Variants in MEP1A observed in about 807,000 individuals in gnomAD.
The protein encoded by MEP1A is N-benzoyl-L-tyrosyl-P-amino-benzoic acid hydrolase subunit alpha.
MEP1A carries 68 observed loss-of-function variants against 84.5 expected under a neutral mutation model. The ratio of observed to expected loss-of-function variants is 0.80; its 90% CI spans 0.66 to 0.98. The LOEUF is 0.98. MEP1A is among the 50% of genes least tolerant of loss of function. The pLI, the probability that MEP1A is intolerant of heterozygous loss-of-function variation, is 0.00. For missense variants in MEP1A, 887 were observed against 919.9 expected, an observed-to-expected ratio of 0.96 and a Z score of 0.46; for synonymous variants, 337 against 336.8, an observed-to-expected ratio of 1.00 and a Z score of -0.01.
intron 5 of MEP1A, among the ~76,000 whole-genome samples, chr6:46,807,773 A>AAGAAAGAG (rs1767383693): frequency 2.5e-5 from 1 of 39,526 alleles, no homozygotes; most frequent in Non-Finnish European, 5.6e-5. Flanking sequence ...GGAGAAAGGA[A>AAGAAAGAG]AGAAAGAAAG....
intron 3 of MEP1A, among the ~76,000 whole-genome samples, chr6:46,795,367 C>T (rs1767027855): frequency 2.0e-5 from 3 of 152,140 alleles, no homozygotes; most frequent in African/African-American, 4.8e-5. Flanking sequence ...GTGGTGCCAT[C>T]TCGGCTCACT....
chr6:46,819,906 T>G (rs180809439), intron 7 of MEP1A, among the ~76,000 whole-genome samples: 1 of 152,330 alleles, frequency 6.6e-6, no homozygotes, highest in African/African-American at 2.4e-5. Flanking sequence ...CAAGGAATGG[T>G]GTTAACTCAC....
intron 7 of MEP1A, among the ~76,000 whole-genome samples, chr6:46,822,066 T>C (rs1345796934): frequency 6.6e-6 from 1 of 152,222 alleles, no homozygotes; most frequent in African/African-American, 2.4e-5. Flanking sequence ...ATTGTGTTTT[T>C]GAAATTTCTT....
Position 46,839,127 on chromosome 6 carries a change from A to G in MEP1A, c.2232A>G (p.Pro744=). The G allele has an allele frequency of 6.2e-7, 1 of 1,612,304 alleles. No individual in the cohort carries two copies. Among genetic ancestry groups the G allele is most frequent in the South Asian group, 1.1e-5 (1 of 90,944 alleles). ...FSIIAILSQR[P]RK ...TCATCGCCATCCTTTCCCAAAGGCC[A>G]AGGAAGTGACCTGCCTGCTGGCATT... Residue 744 remains proline (P), a synonymous_variant, in exon 14 of 14, where the codon CCA becomes CCG. Coordinates refer to ENST00000230588, the MANE Select transcript of MEP1A (RefSeq NM_005588.3).
intron 6 of MEP1A, among the ~76,000 whole-genome samples, chr6:46,816,436 C>T (rs1031178537): frequency 6.6e-6 from 1 of 151,906 alleles, no homozygotes; most frequent in East Asian, 1.9e-4. Flanking sequence ...TCCTGGGTTG[C>T]AGCAGGGCAA....
intron 5 of MEP1A, among the ~76,000 whole-genome samples, chr6:46,803,943 A>G (rs903987583): frequency 4.0e-5 from 6 of 151,726 alleles, no homozygotes; most frequent in African/African-American, 1.4e-4. Context: ...GTATAATTCC[A>G]TTTATACCCC....
chr6:46,845,739 G>T, the MEP1A span, among the ~76,000 whole-genome samples: 1 of 152,138 alleles, frequency 6.6e-6, no homozygotes, highest in Non-Finnish European at 1.5e-5. Flanking sequence ...AAAAGGAAGA[G>T]CCAGAACTCT....
chr6:46,800,511 G>A (rs1767175713), intron 5 of MEP1A, among the ~76,000 whole-genome samples: 1 of 152,144 alleles, frequency 6.6e-6, no homozygotes, highest in African/African-American at 2.4e-5. Context: ...ATATTTGAGA[G>A]TGATTTGAGA....
Position 46,793,677 on chromosome 6 carries a change from G to A in MEP1A, c.106G>A (p.Asp36Asn), listed in dbSNP as rs1430701184. ...CTCACTTTTAACAGTACATGATGCA[G>A]ATTTTGGTGAACAGAAGGATATTTC... ...YLPEENVHDA[D>N]FGEQKDISEI... is the part of the protein sequence containing the mutation. Residue 36 changes from aspartate to asparagine, a missense_variant, in exon 3 of 14, where the codon GAT becomes AAT. Asp to Asn is a conservative substitution (Grantham distance 23). Transcript: ENST00000230588. 1.2e-6 allele frequency: 2 copies of A among 1,610,662 alleles called. No homozygotes were observed. The highest frequency in any genetic ancestry group is 1.3e-5 in the African/African-American group (1 of 74,812).
chr6:46,819,689 G>A lies in MEP1A; in HGVS notation c.541G>A (p.Asp181Asn). 1 of 1,613,644 alleles carries A rather than the reference G, an allele frequency of 6.2e-7. No homozygotes were observed. Among genetic ancestry groups the A allele is most frequent in the Non-Finnish European group, 8.5e-7 (1 of 1,179,788 alleles). The part of the protein sequence containing the change: ...DRDDYVNIWW[D>N]QILSGYQHNF... ...GGATGATTATGTGAACATCTGGTGG[G>A]ACCAAATTCTTTCAGGTGTGATTGG... The change falls in exon 7 of 14, where the codon GAC becomes AAC. Residue 181 changes from aspartate (D) to asparagine (N), a missense_variant. Coordinates refer to ENST00000230588, the MANE Select transcript of MEP1A (RefSeq NM_005588.3).
At chr6:46,835,872 T>C (rs35337145) in intron 13 of MEP1A, among the ~76,000 whole-genome samples, 44,008 of 152,130 alleles carry the variant, frequency 0.29, 7,216 homozygotes, top group Middle Eastern at 0.39. Context: ...GACTTTCTAC[T>C]CCATGAGGGT....
intron 7 of MEP1A, among the ~76,000 whole-genome samples, chr6:46,821,090 C>T (rs1767762983): frequency 6.6e-6 from 1 of 152,052 alleles, no homozygotes; most frequent in South Asian, 2.1e-4. Context: ...AAGTTTTCTG[C>T]CAGGACTGTA....
intron 6 of MEP1A, among the ~76,000 whole-genome samples, chr6:46,819,262 T>C (rs757277638): frequency 1.3e-5 from 2 of 152,198 alleles, no homozygotes; most frequent in African/African-American, 2.4e-5. Flanking sequence ...TGACGAATTG[T>C]TATAATAGGA....
At chr6:46,811,062 G>T (rs1767487800) in intron 6 of MEP1A, among the ~76,000 whole-genome samples, 4 of 151,842 alleles carry the variant, frequency 2.6e-5, no homozygotes, top group Admixed American at 2.6e-4. Context: ...TTTGGCAATT[G>T]TGTTCACTTT....
At chr6:46,823,607 C>T (rs1326599864) in intron 7 of MEP1A, among the ~76,000 whole-genome samples, 18 of 152,228 alleles carry the variant, frequency 1.2e-4, no homozygotes, top group Non-Finnish European at 1.5e-5. Context: ...GCAAAAACTC[C>T]GTCTCAAAAC....
chr6:46,807,983 A>G (rs1263410587), intron 5 of MEP1A, among the ~76,000 whole-genome samples: 1 of 152,088 alleles, frequency 6.6e-6, no homozygotes, highest in Non-Finnish European at 1.5e-5. Flanking sequence ...TTACAAAATT[A>G]TTACAGAGTT....
chr6:46,793,752 T>C (rs765820668), intron 3 of MEP1A, 36 bp downstream of exon 3: 16 of 1,482,388 alleles, frequency 1.1e-5, no homozygotes, highest in Non-Finnish European at 1.5e-5. Flanking sequence ...AGTCTTGAAA[T>C]TACTTGAAAC....
chr6:46,826,361 T>C lies in MEP1A; in HGVS notation c.786T>C (p.Thr262=), dbSNP rs1286583956. The change falls in exon 9 of 14, where the codon ACT becomes ACC. Residue 262 remains threonine, a synonymous_variant. Coordinates refer to ENST00000230588, the MANE Select transcript of MEP1A (RefSeq NM_005588.3). ...TAAAAATATAATTTGCAGCCACAAC[T>C]CACACTCTTTTGGACCACTGTACTT... ...RLNRMYNCTT[T]HTLLDHCTFE... 1.3e-6 allele frequency: 2 copies of C among 1,595,186 alleles called. No homozygotes were observed. Among genetic ancestry groups the C allele is most frequent in the South Asian group, 1.2e-5 (1 of 85,800 alleles).
chr6:46,826,265 G>A (rs1767942709), intron 8 of MEP1A, 89 bp from the exon 9 acceptor site: 1 of 1,211,806 alleles, frequency 8.3e-7, no homozygotes, highest in South Asian at 1.8e-5. Context: ...TGTCATATCT[G>A]AACAATGAGG....
Sources: gnomAD v4.1 joint callset for allele counts (sites outside exome capture counted in the v4.1 genomes callset) on GRCh38, gnomAD v4.1.1 for gene constraint, MANE v1.5 for transcripts, NCBI Gene and HGNC (gene_info 2026-07-23, HGNC 2026-07-21) for gene names.